The following PDZD7 variants were observed in gnomAD, a reference collection of about 807,000 sequenced individuals.
The protein encoded by PDZD7 is PDZ domain containing 7.
A neutral mutation model predicts 84.7 loss-of-function variants in PDZD7; 72 were observed. That is an observed-to-expected ratio of 0.85 (90% CI 0.70 to 1.03). The LOEUF is 1.03. Ranked by LOEUF, PDZD7 falls within the 50% of genes least tolerant of loss-of-function variation. The probability of loss-of-function intolerance (pLI) is 0.00; values close to 1 mark genes in which losing one functional copy is unlikely to be tolerated. For synonymous variants in PDZD7, 594 were observed against 580.7 expected (o/e 1.02, Z -0.33); for missense variants, 1,490 against 1,412.9 (o/e 1.05, Z -0.87).
rs1852355633 is a variant in PDZD7, at chr10:101,010,501, G to A, written c.2388C>T (p.Ser796=). 5 of 1,534,216 alleles carry A rather than the reference G, an allele frequency of 3.3e-6. No individual in the cohort carries two copies. The South Asian group carries it at 4.8e-5, about 15-fold the overall frequency. The part of the protein sequence containing the change: ...RGQGKSPGRR[S]PSPVPTPAPS... ...GGGCAGGGGTAGGCACCGGGGATGGGGAGCGTCTACCTGGAGACTTGCCTT... is the reference window on the plus strand; with the variant it reads ...GGGCAGGGGTAGGCACCGGGGATGGAGAGCGTCTACCTGGAGACTTGCCTT... The change falls in exon 15 of 17, where the codon TCC becomes TCT. Residue 796 remains serine, a synonymous_variant. Transcript: ENST00000619208.
chr10:101,024,230 C>T (rs557136642), intron 2 of PDZD7, among the ~76,000 whole-genome samples, 162 bp from the exon 3 acceptor site: 1 of 152,272 alleles, frequency 6.6e-6, no homozygotes, highest in Admixed American at 6.5e-5. Context: ...TTTCTAAGGC[C>T]CCTCTGGGTG....
Position 101,008,400 on chromosome 10 carries a change from G to A in PDZD7, c.*67C>T. The A allele has an allele frequency of 2.1e-6, 3 of 1,412,190 alleles. No homozygotes were observed. Among genetic ancestry groups the A allele is most frequent in the Non-Finnish European group, 1.9e-6 (2 of 1,066,892 alleles). 87.5% of individuals were successfully genotyped at this position (1,412,190 alleles called of 1,614,324 possible). ...GGAGCTGGAGAGTCCTGAAGAAGTT[G>A]GTAGGAGAGGTCCTGGGGATAACGG... On this transcript the variant is annotated 3_prime_UTR_variant, in exon 17 of 17. Coordinates refer to ENST00000619208, the MANE Select transcript of PDZD7 (RefSeq NM_001195263.2).
Position 101,008,785 on chromosome 10 carries a change from T to C in PDZD7, c.2784A>G (p.Val928=). The C allele has an allele frequency of 1.3e-6, 2 of 1,532,402 alleles. No individual in the cohort carries two copies. Among genetic ancestry groups the C allele is most frequent in the East Asian group, 2.5e-5 (1 of 40,812 alleles). The allele number at this position is 1,532,402 out of a possible 1,614,324, so 94.9% of individuals were successfully genotyped here. The change falls in exon 17 of 17, where the codon GTA becomes GTG. Residue 928 remains valine (V), a synonymous_variant. Coordinates refer to ENST00000619208, the MANE Select transcript of PDZD7 (RefSeq NM_001195263.2). The part of the protein sequence containing the change: ...NLEQVTHQRA[V]DTIRRAYRNK... Reference sequence around the variant, plus strand: ...TTCGATAAGCCCGACGGATGGTGTCTACTGCACGCTGGTGGGTCACCTGCT... The same window carrying C: ...TTCGATAAGCCCGACGGATGGTGTCCACTGCACGCTGGTGGGTCACCTGCT...
rs753688275 is a variant in PDZD7, at chr10:101,008,158, G to A, written c.*309C>T. 127 of 440,766 alleles carry A rather than the reference G, an allele frequency of 2.9e-4. No individual in the cohort carries two copies. The highest frequency in any genetic ancestry group is 4.2e-4 in the Non-Finnish European group (104 of 248,396). The allele number at this position is 440,766 out of a possible 1,614,324, so 27.3% of individuals were successfully genotyped here. A position where few individuals can be genotyped will look rare whatever the true frequency, so the allele number is the denominator to read the frequency against. On this transcript the variant is annotated 3_prime_UTR_variant, in exon 17 of 17. Coordinates refer to ENST00000619208, the MANE Select transcript of PDZD7 (RefSeq NM_001195263.2). Reference sequence around the variant, plus strand: ...TTGGGCGACTCATAAGGGACAGCATGTGAGAAAGTGCCCACCAATCCCAAG... The same window carrying A: ...TTGGGCGACTCATAAGGGACAGCATATGAGAAAGTGCCCACCAATCCCAAG...
rs1003939392 is a variant in PDZD7 at position 101,017,397 on chromosome 10, T to G, written c.1522+702A>C. On this transcript the variant is annotated intron_variant, in intron 9 of 16. Coordinates refer to ENST00000619208, the MANE Select transcript of PDZD7 (RefSeq NM_001195263.2). Reference sequence around the variant, plus strand: ...GACGTGCTTTATTTTTCTTTTACTTTTTTTTTTTCTTTAGAGACAGGGTCT... The same window carrying G: ...GACGTGCTTTATTTTTCTTTTACTTGTTTTTTTTCTTTAGAGACAGGGTCT... 2.1e-5 allele frequency: 9 copies of G among 430,720 alleles called. No homozygotes were observed. In the East Asian group the frequency reaches 2.5e-4, roughly 12 times the overall value. 26.7% of individuals were successfully genotyped at this position (430,720 alleles called of 1,614,324 possible). A position where few individuals can be genotyped will look rare whatever the true frequency, so the allele number is the denominator to read the frequency against.
Position 101,023,585 on chromosome 10 carries a change from G to A in PDZD7, c.393C>T (p.Asp131=). 6.2e-7 allele frequency: 1 copy of A among 1,613,228 alleles called. No homozygotes were observed. Among genetic ancestry groups the A allele is most frequent in the Non-Finnish European group, 8.5e-7 (1 of 1,180,026 alleles). The change falls in exon 4 of 17, where the codon GAC becomes GAT. Residue 131 remains aspartate, a synonymous_variant. Transcript: ENST00000619208. ...TCAGCCCATTCACCTCCGTGATCTTGTCCCCCACGCACAGGCCAGCCCGCT... is the reference window on the plus strand; with the variant it reads ...TCAGCCCATTCACCTCCGTGATCTTATCCCCCACGCACAGGCCAGCCCGCT... ...SAERAGLCVG[D]KITEVNGLSL... is the part of the protein sequence containing the mutation.
rs961558622 is a variant in PDZD7 at position 101,010,508 on chromosome 10, C to T, written c.2381G>A (p.Arg794Lys). The change falls in exon 15 of 17, where the codon AGA becomes AAA. Residue 794 changes from arginine to lysine, a missense_variant. Physicochemically the swap from Arg to Lys is conservative, Grantham distance 26 (BLOSUM62 2). Transcript: ENST00000619208. ...SSRGQGKSPG[R>K]RSPSPVPTPA... ...GGTAGGCACCGGGGATGGGGAGCGT[C>T]TACCTGGAGACTTGCCTTGACCCCG... 3.2e-5 allele frequency: 49 copies of T among 1,533,868 alleles called. No homozygotes were observed. Among genetic ancestry groups the T allele is most frequent in the Middle Eastern group, 3.3e-4 (2 of 5,976 alleles).
intron 9 of PDZD7, chr10:101,017,663 G>T: frequency 1.4e-6 from 1 of 698,174 alleles, no homozygotes; most frequent in Non-Finnish European, 2.6e-6. Flanking sequence ...ATGCACACGT[G>T]TCATGCCAGC....
At chr10:101,017,863 G>T in intron 9 of PDZD7, 1 of 397,810 alleles carries the variant, frequency 2.5e-6, no homozygotes, top group Non-Finnish European at 4.2e-6. Flanking sequence ...AAGAAAGAAA[G>T]AAAGAAAGAA....
At chr10:101,021,615 C>T (rs576160894) in intron 6 of PDZD7, among the ~76,000 whole-genome samples, 183 bp downstream of exon 6, 8 of 152,176 alleles carry the variant, frequency 5.3e-5, no homozygotes, top group African/African-American at 7.2e-5. Flanking sequence ...GTGACCTGTT[C>T]GTGAGTTGCT....
In PDZD7 at chr10:101,020,632, C is replaced by A; in HGVS notation, c.914G>T (p.Cys305Phe). Residue 305 changes from cysteine (C) to phenylalanine (F), a missense_variant, in exon 7 of 17, where the codon TGC becomes TTC. Physicochemically the swap from Cys to Phe is radical, Grantham distance 205. Transcript: ENST00000619208. ...PAYKEMVSEY[C>F]WLDRLSNGVL... ...GAGCCACTTACGTCGGTCCAGCCAG[C>A]AGTACTCAGAAACCATCTCCTTGTA... 6.2e-7 allele frequency: 1 copy of A among 1,613,948 alleles called. No individual in the cohort carries two copies. The highest frequency in any genetic ancestry group is 1.7e-5 in the Admixed American group (1 of 60,012).
At chr10:101,026,462 T>A (rs149438508) in intron 2 of PDZD7, among the ~76,000 whole-genome samples, 2 of 82,354 alleles carry the variant, frequency 2.4e-5, no homozygotes, top group Admixed American at 3.5e-4. Context: ...AGGACTCTGA[T>A]GGGTGGGATT....
intron 6 of PDZD7, among the ~76,000 whole-genome samples, chr10:101,020,933 C>G (rs1853058496): frequency 6.6e-6 from 1 of 152,216 alleles, no homozygotes; most frequent in Non-Finnish European, 1.5e-5. Flanking sequence ...TTCCATCTCT[C>G]TGTTAATTTC....
intron 11 of PDZD7, among the ~76,000 whole-genome samples, chr10:101,014,696 G>A (rs868749074): frequency 2.2e-4 from 13 of 58,366 alleles, no homozygotes; most frequent in South Asian, 2.0e-3. Context: ...ACACACACAC[G>A]CTAGCCAGAC....
Position 101,008,780 on chromosome 10 carries a change from G to T in PDZD7, c.2789C>A (p.Thr930Asn), listed in dbSNP as rs1852298416. The T allele has an allele frequency of 5.2e-6, 8 of 1,535,062 alleles. No homozygotes were observed. The highest frequency in any genetic ancestry group is 7.0e-6 in the Non-Finnish European group (8 of 1,146,118). The change falls in exon 17 of 17, where the codon ACC becomes AAC. Residue 930 changes from threonine to asparagine, a missense_variant. Thr to Asn is a moderately conservative substitution (Grantham distance 65). Coordinates refer to ENST00000619208, the MANE Select transcript of PDZD7 (RefSeq NM_001195263.2). ...EQVTHQRAVD[T>N]IRRAYRNKAR... is the part of the protein sequence containing the mutation. ...CTTGTTTCGATAAGCCCGACGGATGGTGTCTACTGCACGCTGGTGGGTCAC... is the reference window on the plus strand; with the variant it reads ...CTTGTTTCGATAAGCCCGACGGATGTTGTCTACTGCACGCTGGTGGGTCAC...
At chr10:101,016,513 G>C in intron 9 of PDZD7, 86 bp from the exon 10 acceptor site, 1 of 1,401,434 alleles carries the variant, frequency 7.1e-7, no homozygotes, top group Non-Finnish European at 9.8e-7. Context: ...AGCTGGAATG[G>C]AGAATTCAGA....
In PDZD7 at chr10:101,018,987, G is replaced by C; in HGVS notation, c.1159C>G (p.Arg387Gly). 1 of 1,582,712 alleles carries C rather than the reference G, an allele frequency of 6.3e-7. No homozygotes were observed. The highest frequency in any genetic ancestry group is 8.6e-7 in the Non-Finnish European group (1 of 1,165,808). The change falls in exon 8 of 17, where the codon CGG (arginine) becomes GGG (glycine). Residue 387 changes from arginine to glycine, a missense_variant. By Grantham distance (125) the Arg-to-Gly change is moderately radical. Coordinates refer to ENST00000619208, the MANE Select transcript of PDZD7 (RefSeq NM_001195263.2). ...GGRVETWCSV[R>G]PTVILRDTAI... ...GTGTCCCTGAGGATGACTGTGGGCC[G>C]CACGCTGCACCAGGTCTCCACCCGG...
intron 10 of PDZD7, 136 bp from the exon 11 acceptor site, chr10:101,015,947 C>T: frequency 4.3e-6 from 4 of 921,502 alleles, no homozygotes; most frequent in Non-Finnish European, 6.4e-6. Context: ...CCATGGTAGC[C>T]CACAGCAACC....
chr10:101,025,892 G>C (rs141489124), intron 2 of PDZD7, among the ~76,000 whole-genome samples: 1 of 152,264 alleles, frequency 6.6e-6, no homozygotes, highest in African/African-American at 2.4e-5. Context: ...CCCATCTTTG[G>C]AGGCATGCAA....
Sources: allele counts gnomAD v4.1 joint callset (sites outside exome capture counted in the v4.1 genomes callset), GRCh38; gene constraint gnomAD v4.1.1; transcripts MANE v1.5; gene names NCBI Gene and HGNC (gene_info 2026-07-23, HGNC 2026-07-21).